TSPAN33: variants seen among roughly 807,000 people sequenced by gnomAD.
TSPAN33 encodes the protein tetraspanin-33.
In TSPAN33, 27 loss-of-function variants were observed where a neutral mutation model predicts 34.8. That is an observed-to-expected ratio of 0.78 (90% CI 0.57 to 1.07). The LOEUF is 1.07. Ranked by LOEUF, TSPAN33 falls within the 50% of genes least tolerant of loss-of-function variation. TSPAN33 has a pLI of 0.00. For missense variants in TSPAN33, 272 were observed against 324.9 expected (o/e 0.84, Z 1.25); for synonymous variants, 119 against 124.2 (o/e 0.96, Z 0.28).
chr7:129,160,899 T>A (rs1793038186), intron 1 of TSPAN33, among the ~76,000 whole-genome samples: 1 of 152,236 alleles, frequency 6.6e-6, no homozygotes, highest in Non-Finnish European at 1.5e-5. Flanking sequence ...TAGATAATAT[T>A]TATTGTCAGG....
At chr7:129,159,250 G>A (rs992736817) in intron 1 of TSPAN33, among the ~76,000 whole-genome samples, 1 of 152,084 alleles carries the variant, frequency 6.6e-6, no homozygotes, top group East Asian at 1.9e-4. Context: ...TAGTAGAGAT[G>A]GGGTTTCACC....
At position 129,168,217 on chromosome 7, in the gene TSPAN33, C is replaced by G. The variant is rs777496710; in HGVS notation, c.*343C>G. On this transcript the variant is annotated 3_prime_UTR_variant, in exon 8 of 8. Coordinates refer to ENST00000486685, the MANE Select transcript of TSPAN33 (RefSeq NM_178562.5). Reference sequence around the variant, plus strand: ...CACCGAGGCACTGCCACCACCAGCTCTAGCAGGGATGCTCCTGAGCTTGGC... The same window carrying G: ...CACCGAGGCACTGCCACCACCAGCTGTAGCAGGGATGCTCCTGAGCTTGGC... 7.5e-5 allele frequency: 20 copies of G among 265,710 alleles called. No homozygotes were observed. Among genetic ancestry groups the G allele is most frequent in the Non-Finnish European group, 1.4e-4 (19 of 135,570 alleles). The allele number at this position is 265,710 out of a possible 1,614,324, so 16.5% of individuals were successfully genotyped here.
rs1462856756 is a variant in TSPAN33 at position 129,169,116 on chromosome 7, A to T, written c.*1242A>T. ...TTAAAATTAATTTGTCACCCAAAACAGGAGGGGGATGGGGAGGAGGGACAT... is the reference window on the plus strand; with the variant it reads ...TTAAAATTAATTTGTCACCCAAAACTGGAGGGGGATGGGGAGGAGGGACAT... On this transcript the variant is annotated 3_prime_UTR_variant, in exon 8 of 8. Transcript: ENST00000486685. Among the ~76,000 whole-genome samples, 3 of 152,198 alleles carry T rather than the reference A, an allele frequency of 2.0e-5. No individual in the cohort carries two copies. The highest frequency in any genetic ancestry group is 2.9e-5 in the Non-Finnish European group (2 of 68,028).
chr7:129,167,746 T>G lies in TSPAN33; in HGVS notation c.751-27T>G. ...AACAAGGCCATCACTCACTGCTGAG[T>G]GCCCAATTCCTTCTTGCCTCTCCCA... is the stretch of plus-strand genomic sequence containing the variant. On this transcript the variant is annotated intron_variant, in intron 7 of 7. Coordinates refer to ENST00000486685, the MANE Select transcript of TSPAN33 (RefSeq NM_178562.5). The surrounding 1 kb of genome is among the most constrained non-coding windows in gnomAD (Gnocchi z 4.6). The G allele has an allele frequency of 6.2e-7, 1 of 1,611,098 alleles. No individual in the cohort carries two copies. The highest frequency in any genetic ancestry group is 8.5e-7 in the Non-Finnish European group (1 of 1,177,480).
intron 1 of TSPAN33, among the ~76,000 whole-genome samples, chr7:129,146,826 C>T (rs1392408707): frequency 6.6e-6 from 1 of 152,200 alleles, no homozygotes; most frequent in African/African-American, 2.4e-5. Context: ...GGTCGTCACT[C>T]TGACTTCCTT....
intron 1 of TSPAN33, among the ~76,000 whole-genome samples, chr7:129,158,447 G>A (rs550925172): frequency 1.3e-5 from 2 of 152,266 alleles, no homozygotes; most frequent in Non-Finnish European, 2.9e-5. Context: ...AGAGGTACAT[G>A]TGCAGGTTTG....
At chr7:129,147,028 G>A (rs1273752905) in intron 1 of TSPAN33, among the ~76,000 whole-genome samples, 2 of 151,294 alleles carry the variant, frequency 1.3e-5, no homozygotes, top group Non-Finnish European at 2.9e-5. Context: ...TCAGCCAGGA[G>A]AGAGTTTGGC....
Position 129,167,360 on chromosome 7 carries a change from G to C in TSPAN33, c.589-39G>C, listed in dbSNP as rs1793158120. The stretch of plus-strand genomic sequence containing the variant: ...TAAGGCCCCAAACAAAAAGTTATTG[G>C]AATTACAGTCCCAATTGGCTTTTCA... On this transcript the variant is annotated intron_variant, in intron 6 of 7. Transcript: ENST00000486685. This position sits in a 1 kb window ranked among gnomAD's most constrained non-coding sequence, Gnocchi z 4.6. 1 of 1,587,042 alleles carries C rather than the reference G, an allele frequency of 6.3e-7. No homozygotes were observed. The highest frequency in any genetic ancestry group is 1.3e-5 in the African/African-American group (1 of 74,306).
In TSPAN33 at chr7:129,152,516, GC is replaced by G. The variant is rs1231333121; in HGVS notation, c.102+7436del. Among the ~76,000 whole-genome samples the G allele has an allele frequency of 2.6e-5, 4 of 152,050 alleles. No individual in the cohort carries two copies. In the East Asian group the frequency reaches 7.8e-4, roughly 30 times the overall value. On this transcript the variant is annotated intron_variant, in intron 1 of 7. Transcript: ENST00000486685. ...AGCCCAGCCAACATAGGGAAATCCC[GC>G]CTCTACTAAAACTACAAAAATTAGC...
intron 1 of TSPAN33, among the ~76,000 whole-genome samples, chr7:129,152,925 G>A (rs1287139796): frequency 6.6e-6 from 1 of 151,516 alleles, no homozygotes; most frequent in South Asian, 2.1e-4. Context: ...AGGTTTGGTG[G>A]CACATACCTG....
intron 1 of TSPAN33, among the ~76,000 whole-genome samples, chr7:129,150,482 G>C (rs908888502): frequency 1.3e-5 from 2 of 152,134 alleles, no homozygotes; most frequent in East Asian, 3.9e-4. Context: ...AAAATCCTGG[G>C]GGTACTGGGA....
At chr7:129,146,037 C>T (rs1810516011) in intron 1 of TSPAN33, among the ~76,000 whole-genome samples, 1 of 152,008 alleles carries the variant, frequency 6.6e-6, no homozygotes, top group East Asian at 1.9e-4. Flanking sequence ...ACATCCTTCC[C>T]CCATTCACCT....
chr7:129,158,004 C>T (rs1328675819), intron 1 of TSPAN33, among the ~76,000 whole-genome samples: 1 of 152,206 alleles, frequency 6.6e-6, no homozygotes, highest in East Asian at 1.9e-4. Context: ...TACAGCAGCC[C>T]CGCATTCCTT....
chr7:129,164,516 C>T lies in TSPAN33; in HGVS notation c.406C>T (p.His136Tyr). Reference sequence around the variant, plus strand: ...TGAGATCATCAACAATGCCATTGTGCACTACCGAGATGACTTGGATCTGCA... The same window carrying T: ...TGAGATCATCAACAATGCCATTGTGTACTACCGAGATGACTTGGATCTGCA... ...VSEIINNAIV[H>Y]YRDDLDLQNL... Residue 136 changes from histidine (H) to tyrosine (Y), a missense_variant, in exon 5 of 8, where the codon CAC becomes TAC. Coordinates refer to ENST00000486685, the MANE Select transcript of TSPAN33 (RefSeq NM_178562.5). The T allele has an allele frequency of 4.3e-6, 7 of 1,614,078 alleles. No individual in the cohort carries two copies. The highest frequency in any genetic ancestry group is 5.1e-6 in the Non-Finnish European group (6 of 1,180,008).
Position 129,144,944 on chromosome 7 carries a change from G to GA in TSPAN33, c.-34dup. ...ACACAGGCCGGCCGGCAGCCGCTGG[G>GA]AAATAGGCCCCCGGGGGCGGTGGCG... On this transcript the variant is annotated 5_prime_UTR_variant, in exon 1 of 8. It removes the in-frame stop codon of an upstream open reading frame in the 5' UTR. Coordinates refer to ENST00000486685, the MANE Select transcript of TSPAN33 (RefSeq NM_178562.5). 1.9e-6 allele frequency: 1 copy of GA among 531,872 alleles called. No individual in the cohort carries two copies. The highest frequency in any genetic ancestry group is 2.2e-5 in the South Asian group (1 of 46,058). The allele number at this position is 531,872 out of a possible 1,614,324, so 32.9% of individuals were successfully genotyped here.
chr7:129,166,689 C>CTA (rs959681298), intron 5 of TSPAN33, 89 bp from the exon 6 acceptor site: 13 of 1,522,350 alleles, frequency 8.5e-6, no homozygotes, highest in Non-Finnish European at 2.7e-6. Context: ...TAGAAGCTTG[C>CTA]TATAGACTTT....
At position 129,151,115 on chromosome 7, in the gene TSPAN33, C is replaced by T. The variant is rs1257882652; in HGVS notation, c.102+6033C>T. Reference sequence around the variant, plus strand: ...CTTGGCCTTTTAAAACTTTTATTTACGTATTTATTTGTTTATTTGTTTGTT... The same window carrying T: ...CTTGGCCTTTTAAAACTTTTATTTATGTATTTATTTGTTTATTTGTTTGTT... On this transcript the variant is annotated intron_variant, in intron 1 of 7. Transcript: ENST00000486685. Among the ~76,000 whole-genome samples the T allele has an allele frequency of 3.9e-5, 6 of 152,032 alleles. No individual in the cohort carries two copies. The South Asian group carries it at 6.2e-4, about 16-fold the overall frequency.
intron 1 of TSPAN33, among the ~76,000 whole-genome samples, chr7:129,155,430 G>A (rs1010628215): frequency 6.6e-6 from 1 of 152,122 alleles, no homozygotes; most frequent in Non-Finnish European, 1.5e-5. Context: ...TCAAGGTGGT[G>A]GATGTTCTAA....
At chr7:129,156,321 G>A (rs543536226) in intron 1 of TSPAN33, among the ~76,000 whole-genome samples, 20 of 152,248 alleles carry the variant, frequency 1.3e-4, no homozygotes, top group Middle Eastern at 3.4e-3. Context: ...GGCCTCGATC[G>A]CCTGGATGAA....
Sources: gnomAD v4.1 joint callset for allele counts (sites outside exome capture counted in the v4.1 genomes callset) on GRCh38, gnomAD v4.1.1 for gene constraint, Gnocchi (gnomAD v3.1) non-coding constraint, MANE v1.5 for transcripts, NCBI Gene and HGNC (gene_info 2026-07-23, HGNC 2026-07-21) for gene names.